CTNNA2: variants seen among roughly 807,000 people sequenced by gnomAD.
The protein encoded by CTNNA2 is catenin alpha 2, also known as catenin alpha-2.
A neutral mutation model predicts 101.0 loss-of-function variants in CTNNA2; 42 were observed. The ratio of observed to expected loss-of-function variants is 0.42; its 90% confidence interval spans 0.32 to 0.54. CTNNA2 has a LOEUF of 0.54. Ranked by LOEUF, CTNNA2 falls within the 20% of genes least tolerant of loss-of-function variation. CTNNA2 has a pLI of 0.14. For synonymous variants in CTNNA2, 450 were observed against 456.4 expected (o/e 0.99, Z 0.18); for missense variants, 871 against 1,223.1 (o/e 0.71, Z 4.29).
At chr2:79,968,466 A>T (rs1326056854) in intron 7 of CTNNA2, among the ~76,000 whole-genome samples, 1 of 152,150 alleles carries the variant, frequency 6.6e-6, no homozygotes, top group Non-Finnish European at 1.5e-5. Flanking sequence ...CTCCATATGG[A>T]GCAAAACATG....
rs10186280 is a variant in CTNNA2, at chr2:79,874,459, T to C, written c.852+117T>C. 1,582 of 1,236,526 alleles carry C rather than the reference T, an allele frequency of 1.3e-3. 5 individuals are homozygous for C. The African/African-American group carries it at 0.021, about 16-fold the overall frequency. 76.6% of individuals were successfully genotyped at this position (1,236,526 alleles called of 1,614,324 possible). On this transcript the variant is annotated intron_variant, in intron 6 of 18. Transcript: ENST00000402739. Reference sequence around the variant, plus strand: ...TACATTGATTTTTCTCTTTTGGAGGTTTTAATAGTAAGATAAACTACATAA... The same window carrying C: ...TACATTGATTTTTCTCTTTTGGAGGCTTTAATAGTAAGATAAACTACATAA...
At position 79,739,132 on chromosome 2, in the gene CTNNA2, A is replaced by G. The variant is rs533010201; in HGVS notation, c.103-5255A>G. 2.0e-5 allele frequency among the ~76,000 whole-genome samples: 3 copies of G among 151,790 alleles called. No individual in the cohort carries two copies. The East Asian group carries it at 5.8e-4, about 29-fold the overall frequency. On this transcript the variant is annotated intron_variant, in intron 2 of 18. Coordinates refer to ENST00000402739, the MANE Select transcript of CTNNA2 (RefSeq NM_001282597.3). ...CTACTGCTTTACAAATGGATAGGAA[A>G]GAAGAATGTGTGGATCTTGAGTGAT...
chr2:80,085,032 A>G (rs575504488), intron 7 of CTNNA2, among the ~76,000 whole-genome samples: 1 of 152,136 alleles, frequency 6.6e-6, no homozygotes, highest in East Asian at 1.9e-4. Context: ...TTGATAGAAG[A>G]CCTTAAATGG....
chr2:80,579,910 C>A (rs1348994633), intron 13 of CTNNA2, among the ~76,000 whole-genome samples: 3 of 152,188 alleles, frequency 2.0e-5, no homozygotes, highest in African/African-American at 7.2e-5. Flanking sequence ...CATCGGTATT[C>A]CTTGTGGTCT....
chr2:80,074,644 T>TC lies in CTNNA2; in HGVS notation c.1056+164852dup, dbSNP rs148365551. ...TTGCAGTGGTGATTCTCAGAGCTCT[T>TC]CCCCCTCAGTGACCATTTGTGTATT... On this transcript the variant is annotated intron_variant, in intron 7 of 18. Transcript: ENST00000402739. Among the ~76,000 whole-genome samples the TC allele has an allele frequency of 7.6e-3, 1,159 of 152,152 alleles. 11 individuals carry two copies. The highest frequency in any genetic ancestry group is 0.025 in the African/African-American group (1,040 of 41,504).
chr2:79,857,932 A>G lies in CTNNA2; in HGVS notation c.299-81A>G. On this transcript the variant is annotated intron_variant, in intron 3 of 18. Coordinates refer to ENST00000402739, the MANE Select transcript of CTNNA2 (RefSeq NM_001282597.3). ...TCAGAGTTTTGCAATAAAAACAGTA[A>G]TTGTCCATTCACAGATCTTTAGGAT... The G allele has an allele frequency of 3.6e-6, 5 of 1,408,108 alleles. No individual in the cohort carries two copies. In the South Asian group the frequency reaches 3.8e-5, roughly 11 times the overall value. The allele number at this position is 1,408,108 out of a possible 1,614,324, so 87.2% of individuals were successfully genotyped here.
chr2:79,669,690 C>T (rs747848389), intron 2 of CTNNA2, among the ~76,000 whole-genome samples: 1 of 152,160 alleles, frequency 6.6e-6, no homozygotes, highest in African/African-American at 2.4e-5. Context: ...CTCCTCTCTG[C>T]TGGCAGGTCG....
chr2:80,422,400 C>T (rs1680609174), intron 9 of CTNNA2, among the ~76,000 whole-genome samples: 1 of 151,302 alleles, frequency 6.6e-6, no homozygotes, highest in Non-Finnish European at 1.5e-5. Context: ...ACAGCCAAAC[C>T]ATATAAGTGT....
At chr2:79,332,301 GA>G (rs3038816) in intron 3 of CTNNA2, among the ~76,000 whole-genome samples, 53,465 of 144,502 alleles carry the variant, frequency 0.37, 9,732 homozygotes, top group South Asian at 0.45. Context: ...AAAAGAAGAA[GA>G]AAAAAAAAAA....
intron 7 of CTNNA2, among the ~76,000 whole-genome samples, chr2:80,374,344 C>T (rs984307082): frequency 2.0e-5 from 3 of 152,074 alleles, no homozygotes; most frequent in Non-Finnish European, 2.9e-5. Context: ...AATTTGCTTA[C>T]GATAATGGCT....
chr2:79,670,745 G>T (rs773643168), intron 2 of CTNNA2, among the ~76,000 whole-genome samples: 11 of 152,120 alleles, frequency 7.2e-5, no homozygotes, highest in Non-Finnish European at 1.3e-4. Flanking sequence ...TTGGTTCATT[G>T]AAGCTGAGTT....
intron 9 of CTNNA2, among the ~76,000 whole-genome samples, chr2:80,459,930 T>C (rs959960069): frequency 1.3e-5 from 2 of 152,102 alleles, no homozygotes; most frequent in Non-Finnish European, 2.9e-5. Context: ...TCTCATAGTG[T>C]TCAATTTCCT....
intron 7 of CTNNA2, among the ~76,000 whole-genome samples, chr2:80,218,887 CTTA>C (rs1023125968): frequency 6.6e-6 from 1 of 152,246 alleles, no homozygotes; most frequent in South Asian, 2.1e-4. Flanking sequence ...TAGGATAATA[CTTA>C]TTATGAGAAA....
intron 1 of CTNNA2, among the ~76,000 whole-genome samples, chr2:79,595,126 G>T (rs72820695): frequency 0.056 from 8,569 of 152,086 alleles, 347 homozygotes; most frequent in Non-Finnish European, 0.08. Context: ...AGCCAGTTTC[G>T]ACTGTCATAA....
At chr2:80,039,260 A>G (rs920130539) in intron 7 of CTNNA2, among the ~76,000 whole-genome samples, 10 of 151,944 alleles carry the variant, frequency 6.6e-5, no homozygotes, top group African/African-American at 2.4e-4. Context: ...CTGTGCCACT[A>G]TTTTTCTGGA....
intron 7 of CTNNA2, among the ~76,000 whole-genome samples, chr2:80,149,182 G>C (rs1180459896): frequency 1.3e-5 from 2 of 152,034 alleles, no homozygotes; most frequent in African/African-American, 4.8e-5. Context: ...ACAGGTGCAT[G>C]CCAGTGTATC....
At chr2:79,590,352 A>G (rs1676764795) in intron 1 of CTNNA2, among the ~76,000 whole-genome samples, 1 of 152,206 alleles carries the variant, frequency 6.6e-6, no homozygotes, top group Non-Finnish European at 1.5e-5. Context: ...AGTTCTTCAG[A>G]TACTGTTCTT....
chr2:80,414,974 G>T (rs1679914337), intron 8 of CTNNA2, among the ~76,000 whole-genome samples: 1 of 152,130 alleles, frequency 6.6e-6, no homozygotes, highest in East Asian at 1.9e-4. Flanking sequence ...CAGTGGTACT[G>T]GTCAGTGGCC....
chr2:79,191,128 C>T (rs1481453354), intron 1 of CTNNA2, among the ~76,000 whole-genome samples: 1 of 152,158 alleles, frequency 6.6e-6, no homozygotes, highest in Non-Finnish European at 1.5e-5. Context: ...GCCCAGGGTC[C>T]AGGGTGGGTG....
Sources: gnomAD v4.1 joint callset for allele counts (sites outside exome capture counted in the v4.1 genomes callset) on GRCh38, gnomAD v4.1.1 for gene constraint, MANE v1.5 for transcripts, NCBI Gene and HGNC (gene_info 2026-07-23, HGNC 2026-07-21) for gene names.